FRMD3: variants seen among roughly 807,000 people sequenced by gnomAD.
The protein encoded by FRMD3 is FERM domain containing 3.
Under a neutral mutation model 70.2 loss-of-function variants are expected in FRMD3, and 33 were observed. That is an observed-to-expected ratio of 0.47 (90% CI 0.36 to 0.63). FRMD3 has a LOEUF of 0.63. FRMD3 is among the 20% of genes least tolerant of loss of function. The probability of loss-of-function intolerance (pLI) is 0.00; values close to 1 mark genes in which losing one functional copy is unlikely to be tolerated. For missense variants in FRMD3, 632 were observed against 711.4 expected, an observed-to-expected ratio of 0.89 and a Z score of 1.27; for synonymous variants, 279 against 255.9, an observed-to-expected ratio of 1.09 and a Z score of -0.86.
At chr9:83,476,459 T>C (rs1052961158) in intron 1 of FRMD3, among the ~76,000 whole-genome samples, 2 of 152,042 alleles carry the variant, frequency 1.3e-5, no homozygotes, top group African/African-American at 4.8e-5. Context: ...TCAGAAATAT[T>C]GAAGAAGTGC....
intron 1 of FRMD3, among the ~76,000 whole-genome samples, chr9:83,445,341 A>AATAGATAG (rs56369819): frequency 0.082 from 12,053 of 146,498 alleles, 528 homozygotes; most frequent in East Asian, 0.12. Flanking sequence ...CTCAAAAATA[A>AATAGATAG]ATAGATAGAT....
intron 12 of FRMD3, among the ~76,000 whole-genome samples, chr9:83,293,351 G>A (rs1321065098): frequency 6.6e-6 from 1 of 152,132 alleles, no homozygotes; most frequent in Non-Finnish European, 1.5e-5. Context: ...GGTCTGTGTA[G>A]CTTTCTGACC....
intron 1 of FRMD3, among the ~76,000 whole-genome samples, chr9:83,518,400 G>A (rs1334691703): frequency 6.6e-6 from 1 of 151,970 alleles, no homozygotes; most frequent in Non-Finnish European, 1.5e-5. Context: ...TTGCTACAAA[G>A]AAAATAACAT....
chr9:83,285,717 G>A (rs1455293453), intron 13 of FRMD3, among the ~76,000 whole-genome samples: 1 of 152,168 alleles, frequency 6.6e-6, no homozygotes, highest in Non-Finnish European at 1.5e-5. Context: ...GAAGCACGGT[G>A]CTATCTCCAC....
At position 83,446,579 on chromosome 9, in the gene FRMD3, A is replaced by G. The variant is rs560665557; in HGVS notation, c.148-56871T>C. On this transcript the variant is annotated intron_variant, in intron 1 of 13. Coordinates refer to ENST00000304195, the MANE Select transcript of FRMD3 (RefSeq NM_174938.6). ...GGAGAATGGCGTGAAACGGGGAGGC[A>G]GAGCTTGCAGTGAGCCGAGATCGCG... Among the ~76,000 whole-genome samples the G allele has an allele frequency of 1.0e-3, 154 of 148,768 alleles. 3 individuals carry two copies. In the South Asian group the frequency reaches 0.021, roughly 20 times the overall value.
chr9:83,468,126 T>C (rs561061669), intron 1 of FRMD3, among the ~76,000 whole-genome samples: 1 of 152,336 alleles, frequency 6.6e-6, no homozygotes, highest in South Asian at 2.1e-4. Context: ...TGATTAAATA[T>C]GGATATATAA....
At chr9:83,464,680 G>C (rs906573896) in intron 1 of FRMD3, among the ~76,000 whole-genome samples, 1 of 152,078 alleles carries the variant, frequency 6.6e-6, no homozygotes, top group South Asian at 2.1e-4. Flanking sequence ...TTCATTCACT[G>C]TGAGAGGGTC....
At chr9:83,413,140 C>T (rs905415399) in intron 1 of FRMD3, among the ~76,000 whole-genome samples, 2 of 152,206 alleles carry the variant, frequency 1.3e-5, no homozygotes, top group East Asian at 1.9e-4. Flanking sequence ...CAAGTCAATT[C>T]GTTCTGCTAT....
At chr9:83,382,690 T>C (rs1006355175) in intron 2 of FRMD3, among the ~76,000 whole-genome samples, 8 of 152,156 alleles carry the variant, frequency 5.3e-5, no homozygotes, top group African/African-American at 1.9e-4. Context: ...TTATTGAGTC[T>C]ATACCTATCC....
intron 13 of FRMD3, among the ~76,000 whole-genome samples, chr9:83,277,147 T>A (rs935534140): frequency 6.6e-6 from 1 of 152,224 alleles, no homozygotes; most frequent in East Asian, 1.9e-4. Flanking sequence ...TGTATGTCCA[T>A]TGAATATAAA....
chr9:83,465,977 CAAG>C (rs1366109343), intron 1 of FRMD3, among the ~76,000 whole-genome samples: 1 of 152,212 alleles, frequency 6.6e-6, no homozygotes, highest in African/African-American at 2.4e-5. Flanking sequence ...GGACTTTCAA[CAAG>C]AAGTAGTTAC....
intron 4 of FRMD3, among the ~76,000 whole-genome samples, chr9:83,345,598 A>T (rs1823929197): frequency 6.6e-6 from 1 of 152,052 alleles, no homozygotes; most frequent in African/African-American, 2.4e-5. Context: ...TCTACTAAAA[A>T]TACAAAAAAT....
intron 1 of FRMD3, among the ~76,000 whole-genome samples, chr9:83,501,861 GA>G (rs1190478027): frequency 6.6e-6 from 1 of 152,182 alleles, no homozygotes; most frequent in African/African-American, 2.4e-5. Context: ...AGTAGAGAGG[GA>G]AAAGGAAAGC....
intron 1 of FRMD3, among the ~76,000 whole-genome samples, chr9:83,469,491 G>C (rs1301942594): frequency 1.3e-5 from 2 of 152,180 alleles, no homozygotes; most frequent in African/African-American, 4.8e-5. Context: ...AGAGAGTACA[G>C]GGGCAACAGG....
intron 1 of FRMD3, among the ~76,000 whole-genome samples, chr9:83,389,917 C>A (rs894071430): frequency 6.6e-5 from 10 of 152,146 alleles, no homozygotes; most frequent in Non-Finnish European, 1.2e-4. Flanking sequence ...CACACAAACA[C>A]ACACACACAC....
intron 12 of FRMD3, among the ~76,000 whole-genome samples, chr9:83,291,151 T>C (rs942278): frequency 0.55 from 83,554 of 152,128 alleles, 24,457 homozygotes; most frequent in South Asian, 0.78. Flanking sequence ...CCCTGCCAGA[T>C]AGATGATGCA....
chr9:83,296,085 A>G (rs1834650882), intron 12 of FRMD3, among the ~76,000 whole-genome samples: 1 of 152,228 alleles, frequency 6.6e-6, no homozygotes, highest in Non-Finnish European at 1.5e-5. Context: ...CCACCATTGT[A>G]GACTATCACC....
the FRMD3 span, among the ~76,000 whole-genome samples, chr9:83,576,866 A>G: frequency 6.6e-6 from 1 of 152,086 alleles, no homozygotes; most frequent in African/African-American, 2.4e-5. Flanking sequence ...TCCACTAAAA[A>G]ATCTATTAGA....
intron 1 of FRMD3, among the ~76,000 whole-genome samples, chr9:83,453,182 A>T (rs976548443): frequency 6.6e-6 from 1 of 152,158 alleles, no homozygotes; most frequent in Non-Finnish European, 1.5e-5. Flanking sequence ...TAAATCTCAG[A>T]TCTTAATTTG....
Sources: gnomAD v4.1 joint callset for allele counts (sites outside exome capture counted in the v4.1 genomes callset) on GRCh38, gnomAD v4.1.1 for gene constraint, MANE v1.5 for transcripts, NCBI Gene and HGNC (gene_info 2026-07-23, HGNC 2026-07-21) for gene names.